ANGPT1: variants seen among roughly 807,000 people sequenced by gnomAD.
The protein encoded by ANGPT1 is angiopoietin 1.
ANGPT1 carries 17 observed loss-of-function variants against 62.2 expected under a neutral mutation model. That is an observed-to-expected ratio of 0.27 (90% CI 0.19 to 0.41). The LOEUF (loss-of-function observed/expected upper bound fraction) is 0.41, where lower values mean the gene tolerates loss of function less well. Among genes scored for constraint, ANGPT1 ranks in the 10% least tolerant of loss-of-function variants. ANGPT1 has a pLI of 1.00. For missense variants in ANGPT1, 478 were observed against 594.9 expected (o/e 0.80, Z 2.04); for synonymous variants, 199 against 198.9 (o/e 1.00, Z 0.00).
At chr8:107,371,684 C>T (rs1816418420) in intron 1 of ANGPT1, among the ~76,000 whole-genome samples, 1 of 150,062 alleles carries the variant, frequency 6.7e-6, no homozygotes, top group Non-Finnish European at 1.5e-5. Context: ...TCAAGTGATT[C>T]TCCAGCCTCA....
chr8:107,374,535 A>G (rs1237506578), intron 1 of ANGPT1, among the ~76,000 whole-genome samples: 1 of 152,202 alleles, frequency 6.6e-6, no homozygotes, highest in Admixed American at 6.5e-5. Context: ...CTTTGAGCTC[A>G]CTAAACTCCA....
intron 1 of ANGPT1, among the ~76,000 whole-genome samples, chr8:107,360,569 T>A (rs957429684): frequency 3.9e-5 from 6 of 152,194 alleles, no homozygotes; most frequent in African/African-American, 1.4e-4. Flanking sequence ...ACATTATTTT[T>A]AAAATATGGT....
chr8:107,313,316 C>T (rs1451579839), intron 4 of ANGPT1, among the ~76,000 whole-genome samples: 1 of 151,534 alleles, frequency 6.6e-6, no homozygotes, highest in Non-Finnish European at 1.5e-5. Flanking sequence ...TGTGAACACC[C>T]AAACTAGCAC....
At chr8:107,313,036 C>A (rs531830723) in intron 4 of ANGPT1, among the ~76,000 whole-genome samples, 1 of 152,158 alleles carries the variant, frequency 6.6e-6, no homozygotes, top group Non-Finnish European at 1.5e-5. Flanking sequence ...CCTTTAGAAC[C>A]AAATTTCCAC....
chr8:107,268,260 AAAT>A (rs936568210), intron 7 of ANGPT1, among the ~76,000 whole-genome samples: 16 of 152,118 alleles, frequency 1.1e-4, no homozygotes, highest in African/African-American at 3.6e-4. Context: ...ACTCAAATAT[AAAT>A]AACTCTAATA....
intron 1 of ANGPT1, among the ~76,000 whole-genome samples, chr8:107,371,301 A>G (rs908978334): frequency 2.0e-5 from 3 of 152,244 alleles, no homozygotes; most frequent in African/African-American, 7.2e-5. Flanking sequence ...CATTGAGACT[A>G]CTAATCCCAA....
At chr8:107,333,876 T>C (rs1001523670) in intron 3 of ANGPT1, among the ~76,000 whole-genome samples, 2 of 146,810 alleles carry the variant, frequency 1.4e-5, no homozygotes, top group African/African-American at 2.5e-5. Flanking sequence ...AAATCTGAAA[T>C]GATCCAGAAT....
chr8:107,347,284 T>C (rs1326140811), intron 1 of ANGPT1, among the ~76,000 whole-genome samples, 187 bp from the exon 2 acceptor site: 1 of 152,200 alleles, frequency 6.6e-6, no homozygotes, highest in Non-Finnish European at 1.5e-5. Context: ...AACAAATTCC[T>C]AATATACTGA....
intron 8 of ANGPT1, among the ~76,000 whole-genome samples, chr8:107,254,356 C>G (rs1235281291): frequency 6.6e-6 from 1 of 151,986 alleles, no homozygotes; most frequent in Non-Finnish European, 1.5e-5. Flanking sequence ...ATGAAACTCA[C>G]TTCTAATGGG....
intron 1 of ANGPT1, among the ~76,000 whole-genome samples, chr8:107,482,620 T>C (rs961000182): frequency 2.6e-5 from 4 of 152,314 alleles, no homozygotes; most frequent in Admixed American, 2.6e-4. Flanking sequence ...GAGGGTGGCA[T>C]ATAAGACAGG....
intron 8 of ANGPT1, among the ~76,000 whole-genome samples, chr8:107,260,822 G>A (rs1365074027): frequency 6.6e-6 from 1 of 152,186 alleles, no homozygotes; most frequent in Non-Finnish European, 1.5e-5. Flanking sequence ...TGTGTTTATT[G>A]GTGAGTAAGA....
chr8:107,407,117 T>C (rs1383602256), intron 1 of ANGPT1, among the ~76,000 whole-genome samples: 1 of 152,160 alleles, frequency 6.6e-6, no homozygotes, highest in Non-Finnish European at 1.5e-5. Flanking sequence ...CAATGACGCT[T>C]CCACAGATTT....
At chr8:107,465,003 A>G (rs1812165863) in intron 1 of ANGPT1, among the ~76,000 whole-genome samples, 1 of 152,210 alleles carries the variant, frequency 6.6e-6, no homozygotes, top group South Asian at 2.1e-4. Flanking sequence ...GAAGTGGCTG[A>G]AAAAGGTAGT....
intron 1 of ANGPT1, among the ~76,000 whole-genome samples, chr8:107,490,105 T>C (rs992185147): frequency 6.6e-6 from 1 of 152,156 alleles, no homozygotes; most frequent in Non-Finnish European, 1.5e-5. Flanking sequence ...GCTACCCACT[T>C]ATCGCTCCTC....
chr8:107,258,351 C>T (rs1300436143), intron 8 of ANGPT1, among the ~76,000 whole-genome samples: 1 of 152,082 alleles, frequency 6.6e-6, no homozygotes, highest in Non-Finnish European at 1.5e-5. Context: ...TTATTGTAGT[C>T]TGTATTTCCA....
At chr8:107,483,156 A>G (rs1812729747) in intron 1 of ANGPT1, among the ~76,000 whole-genome samples, 1 of 152,198 alleles carries the variant, frequency 6.6e-6, no homozygotes, top group African/African-American at 2.4e-5. Flanking sequence ...TACTATATAG[A>G]GATAATTTAT....
intron 4 of ANGPT1, among the ~76,000 whole-genome samples, chr8:107,312,570 G>A (rs1187786357): frequency 6.6e-6 from 1 of 152,136 alleles, no homozygotes; most frequent in East Asian, 1.9e-4. Flanking sequence ...CCACAAGTAC[G>A]TCACCTTGAT....
intron 1 of ANGPT1, among the ~76,000 whole-genome samples, chr8:107,426,918 G>T (rs1811055614): frequency 6.6e-6 from 1 of 152,188 alleles, no homozygotes; most frequent in Non-Finnish European, 1.5e-5. Context: ...ATGGAGTTGT[G>T]TGGAAAACCA....
At chr8:107,384,925 G>C (rs1272650670) in intron 1 of ANGPT1, among the ~76,000 whole-genome samples, 1 of 152,070 alleles carries the variant, frequency 6.6e-6, no homozygotes, top group Non-Finnish European at 1.5e-5. Flanking sequence ...AGATCAGATG[G>C]TTGTAGGTGT....
Sources: gnomAD v4.1 joint callset for allele counts (sites outside exome capture counted in the v4.1 genomes callset) on GRCh38, gnomAD v4.1.1 for gene constraint, MANE v1.5 for transcripts, NCBI Gene and HGNC (gene_info 2026-07-23, HGNC 2026-07-21) for gene names.